Variants in PRR16 observed in about 807,000 individuals in gnomAD.
PRR16 encodes the protein proline rich 16, also known as protein Largen.
In PRR16, 6 loss-of-function variants were observed where a neutral mutation model predicts 18.2. That is an observed-to-expected ratio of 0.33 (90% CI 0.18 to 0.65). The LOEUF is 0.65. Among genes scored for constraint, PRR16 ranks in the 30% least tolerant of loss-of-function variants. PRR16 has a pLI of 0.74. For missense variants in PRR16, 412 were observed against 376.6 expected, an observed-to-expected ratio of 1.09 and a Z score of -0.78; for synonymous variants, 151 against 147.8, an observed-to-expected ratio of 1.02 and a Z score of -0.16.
the PRR16 span, among the ~76,000 whole-genome samples, chr5:120,705,440 A>G: frequency 1.3e-5 from 2 of 152,042 alleles, no homozygotes. Context: ...TTATCTGTTC[A>G]TCTTTTAAAC....
At chr5:120,485,198 TC>T (rs1242219437) in intron 1 of PRR16, among the ~76,000 whole-genome samples, 1 of 152,164 alleles carries the variant, frequency 6.6e-6, no homozygotes, top group African/African-American at 2.4e-5. Context: ...ATATTTTATG[TC>T]TTAGTCCATT....
At chr5:120,596,846 A>G (rs1319042838) in intron 1 of PRR16, among the ~76,000 whole-genome samples, 1 of 151,560 alleles carries the variant, frequency 6.6e-6, no homozygotes, top group Admixed American at 6.6e-5. Context: ...GGTTTGTATT[A>G]TATGTATTTG....
At chr5:120,772,966 C>G in the PRR16 span, among the ~76,000 whole-genome samples, 1 of 152,026 alleles carries the variant, frequency 6.6e-6, no homozygotes, top group Admixed American at 6.6e-5. Flanking sequence ...ATCTTTGTAC[C>G]TCTTTCACCC....
chr5:120,674,454 G>A (rs934577337), intron 1 of PRR16, among the ~76,000 whole-genome samples: 1 of 152,104 alleles, frequency 6.6e-6, no homozygotes, highest in Non-Finnish European at 1.5e-5. Context: ...TATTAATTTA[G>A]CCAGGAATTA....
chr5:120,617,097 G>C, intron 1 of PRR16: 1 of 984,890 alleles, frequency 1.0e-6, no homozygotes, highest in Non-Finnish European at 1.2e-6. Context: ...TTTAACAGAA[G>C]CTCCATTACC....
intron 1 of PRR16, among the ~76,000 whole-genome samples, chr5:120,533,439 C>T (rs1425975473): frequency 6.6e-6 from 1 of 151,910 alleles, no homozygotes; most frequent in Non-Finnish European, 1.5e-5. Context: ...ATGATAAGTA[C>T]TGTGAAAAAA....
At chr5:120,691,528 T>G (rs535186836), downstream of PRR16, among the ~76,000 whole-genome samples, 1 of 152,286 alleles carries the variant, frequency 6.6e-6, no homozygotes, top group Non-Finnish European at 1.5e-5. Flanking sequence ...TTCCACAGAA[T>G]TATGCCATTG....
Position 120,686,619 on chromosome 5 carries a change from C to A in PRR16, c.825C>A (p.Phe275Leu). 6.2e-7 allele frequency: 1 copy of A among 1,611,630 alleles called. No individual in the cohort carries two copies. Among genetic ancestry groups the A allele is most frequent in the Non-Finnish European group, 8.5e-7 (1 of 1,178,428 alleles). The change falls in exon 2 of 2, where the codon TTC becomes TTA. Residue 275 changes from phenylalanine (F) to leucine (L), a missense_variant. Phe to Leu is a conservative substitution (Grantham distance 22). Transcript: ENST00000407149. ...GGMGISHSNS[F>L]PPIRPATVPP... is the part of the protein sequence containing the mutation. Reference sequence around the variant, plus strand: ...TGGGAATAAGCCACAGTAACAGCTTCCCCCCTATCAGACCTGCAACTGTGC... The same window carrying A: ...TGGGAATAAGCCACAGTAACAGCTTACCCCCTATCAGACCTGCAACTGTGC...
the PRR16 span, among the ~76,000 whole-genome samples, chr5:120,775,815 T>C: frequency 6.2e-5 from 9 of 145,974 alleles, no homozygotes; most frequent in Non-Finnish European, 9.0e-5. Flanking sequence ...TTTTTTTTTT[T>C]TTTTGTATTT....
the PRR16 span, among the ~76,000 whole-genome samples, chr5:120,756,160 G>T: frequency 1.3e-4 from 20 of 152,230 alleles, no homozygotes; most frequent in East Asian, 3.9e-3. Context: ...TACACATGAA[G>T]ACTTGGCCTG....
the PRR16 span, among the ~76,000 whole-genome samples, chr5:120,746,452 G>A: frequency 6.6e-6 from 1 of 151,726 alleles, no homozygotes; most frequent in Non-Finnish European, 1.5e-5. Flanking sequence ...TTAGTGAAGT[G>A]TATCTTAGTA....
chr5:120,538,544 T>A (rs936165567), intron 1 of PRR16, among the ~76,000 whole-genome samples: 3 of 152,216 alleles, frequency 2.0e-5, no homozygotes, highest in African/African-American at 7.2e-5. Flanking sequence ...AAATGCCACT[T>A]TTAGTGGCGA....
intron 1 of PRR16, among the ~76,000 whole-genome samples, chr5:120,522,431 A>C (rs1263669390): frequency 6.6e-6 from 1 of 152,218 alleles, no homozygotes; most frequent in Non-Finnish European, 1.5e-5. Flanking sequence ...AGTGATGATC[A>C]GCATTTTTTC....
chr5:120,571,269 T>C (rs2112735845), intron 1 of PRR16, among the ~76,000 whole-genome samples: 1 of 152,268 alleles, frequency 6.6e-6, no homozygotes, highest in South Asian at 2.1e-4. Context: ...ATGCAGTGTG[T>C]TTATGAGTGA....
At chr5:120,750,498 A>T in the PRR16 span, among the ~76,000 whole-genome samples, 2 of 150,572 alleles carry the variant, frequency 1.3e-5, no homozygotes, top group Non-Finnish European at 3.0e-5. Flanking sequence ...GTCTCTACTA[A>T]AAAAAAAACA....
intron 1 of PRR16, among the ~76,000 whole-genome samples, chr5:120,534,095 A>G (rs138228112): frequency 6.6e-6 from 1 of 152,280 alleles, no homozygotes; most frequent in Non-Finnish European, 1.5e-5. Context: ...CTTATTAGAC[A>G]TCCACATAGA....
intron 1 of PRR16, among the ~76,000 whole-genome samples, chr5:120,570,568 T>G (rs1752874902): frequency 6.6e-6 from 1 of 152,114 alleles, no homozygotes; most frequent in Non-Finnish European, 1.5e-5. Flanking sequence ...CAAGTAAAAT[T>G]CTCATACATA....
rs1447833965 is a variant in PRR16, at chr5:120,653,857, G to A, written c.160-32097G>A. Among the ~76,000 whole-genome samples, 3 of 152,050 alleles carry A rather than the reference G, an allele frequency of 2.0e-5. No individual in the cohort carries two copies. In the East Asian group the frequency reaches 5.8e-4, roughly 30 times the overall value. On this transcript the variant is annotated intron_variant, in intron 1 of 1. Transcript: ENST00000407149. ...AAATGACCTTTTAAAAGTGAGTAAT[G>A]CCTTAGCTTAAACCTCTTTCATGAC...
intron 1 of PRR16, among the ~76,000 whole-genome samples, chr5:120,602,746 C>T (rs1198229479): frequency 1.3e-5 from 2 of 151,928 alleles, no homozygotes; most frequent in African/African-American, 4.8e-5. Context: ...TCCTTTGATG[C>T]CTAATTTGTT....
Sources: allele counts gnomAD v4.1 joint callset (sites outside exome capture counted in the v4.1 genomes callset), GRCh38; gene constraint gnomAD v4.1.1; transcripts MANE v1.5; gene names NCBI Gene and HGNC (gene_info 2026-07-23, HGNC 2026-07-21).